DMD: variants seen among roughly 807,000 people sequenced by gnomAD.
The protein encoded by DMD is dystrophin.
DMD carries 63 observed loss-of-function variants against 330.1 expected under a neutral mutation model. The ratio of observed to expected loss-of-function variants is 0.19; its 90% CI spans 0.16 to 0.24. The LOEUF is 0.24. Ranked by LOEUF, DMD falls within the 10% of genes least tolerant of loss-of-function variation. The pLI is 1.00. For missense variants in DMD, 3,344 were observed against 2,684.1 expected (o/e 1.25, Z -5.43); for synonymous variants, 1,223 against 959.8 (o/e 1.27, Z -5.07).
At chrX:32,538,969 A>C (rs1010928266) in intron 17 of DMD, among the ~76,000 whole-genome samples, 1 of 110,911 alleles carries the variant, frequency 9.0e-6, no homozygotes, top group Non-Finnish European at 1.9e-5. Context: ...CCAGGTGATG[A>C]TACTGTTTCA....
chrX:32,356,121 C>G (rs949919918), intron 37 of DMD, among the ~76,000 whole-genome samples: 1 of 110,090 alleles, frequency 9.1e-6, no homozygotes, highest in Non-Finnish European at 1.9e-5. Flanking sequence ...ATTGGACCTT[C>G]TAGATCACAT....
intron 9 of DMD, among the ~76,000 whole-genome samples, chrX:32,670,412 A>C (rs1231812292): frequency 8.9e-6 from 1 of 111,982 alleles, no homozygotes; most frequent in African/African-American, 3.2e-5. Flanking sequence ...TAGAAATCAT[A>C]GGTTTAGGAA....
intron 51 of DMD, among the ~76,000 whole-genome samples, chrX:31,764,845 A>T (rs6631385): frequency 0.087 from 9,726 of 111,538 alleles, 401 homozygotes; most frequent in South Asian, 0.19. Context: ...TAGGAGATAT[A>T]TAATTCTTAA....
At chrX:33,179,558 G>A (rs918067855) in intron 1 of DMD, among the ~76,000 whole-genome samples, 7 of 108,744 alleles carry the variant, frequency 6.4e-5, no homozygotes, top group Non-Finnish European at 1.3e-4. Flanking sequence ...GCCGGGCGTG[G>A]TGGCGGGCGC....
chrX:31,836,162 A>C (rs774644243), intron 49 of DMD, among the ~76,000 whole-genome samples: 2 of 112,208 alleles, frequency 1.8e-5, no homozygotes, highest in East Asian at 5.6e-4. Context: ...AAAAAGTAGA[A>C]AGGTTTATCC....
At chrX:32,722,857 C>T (rs764449323) in intron 7 of DMD, among the ~76,000 whole-genome samples, 1 of 110,811 alleles carries the variant, frequency 9.0e-6, no homozygotes, top group Admixed American at 9.7e-5. Flanking sequence ...TCTACATATA[C>T]GATCATACCA....
At chrX:32,143,742 A>G (rs1406125298) in intron 44 of DMD, among the ~76,000 whole-genome samples, 8 of 106,362 alleles carry the variant, frequency 7.5e-5, no homozygotes, top group East Asian at 3.0e-4. Flanking sequence ...AGTAGAGACG[A>G]GGTTTCACCG....
intron 21 of DMD, among the ~76,000 whole-genome samples, chrX:32,481,313 C>T (rs751629899): frequency 9.0e-6 from 1 of 111,654 alleles, no homozygotes; most frequent in Non-Finnish European, 1.9e-5. Flanking sequence ...GTTCAATGGA[C>T]TCTCCTCTGT....
At chrX:31,426,701 A>G (rs997948560) in intron 60 of DMD, among the ~76,000 whole-genome samples, 2 of 111,826 alleles carry the variant, frequency 1.8e-5, no homozygotes, top group African/African-American at 6.5e-5. Context: ...CCTCTCAAGT[A>G]ATTACAGGGG....
chrX:32,649,575 AAAAAAAAAG>A (rs2060009884), intron 9 of DMD, among the ~76,000 whole-genome samples: 1 of 106,532 alleles, frequency 9.4e-6, no homozygotes, highest in African/African-American at 3.5e-5. Flanking sequence ...AAAAAAAAAA[AAAAAAAAAG>A]GTGAAAGAGC....
intron 50 of DMD, among the ~76,000 whole-genome samples, chrX:31,795,992 A>T (rs2091810724): frequency 8.9e-6 from 1 of 111,923 alleles, no homozygotes; most frequent in Non-Finnish European, 1.9e-5. Context: ...TTGATTTTTC[A>T]AGAGAGAGGA....
chrX:31,833,774 T>C (rs898989927), intron 49 of DMD, among the ~76,000 whole-genome samples: 6 of 111,071 alleles, frequency 5.4e-5, no homozygotes, highest in African/African-American at 1.6e-4. Flanking sequence ...GAGGTGCCAA[T>C]AGACAAGTCA....
At position 32,393,816 on chromosome X, in the gene DMD, T is replaced by A. The variant is rs763161988; in HGVS notation, c.4234-3635A>T. The stretch of plus-strand genomic sequence containing the variant: ...AGAGAAAATCTCACATCAATTGATG[T>A]GAGAATTTTAAGAATGAGAGAGAGA... On this transcript the variant is annotated intron_variant, in intron 30 of 78. Transcript: ENST00000357033. 5.4e-5 allele frequency among the ~76,000 whole-genome samples: 6 copies of A among 110,319 alleles called. No homozygotes were observed. The Admixed American group carries it at 5.8e-4, about 11-fold the overall frequency.
intron 29 of DMD, among the ~76,000 whole-genome samples, chrX:32,429,209 C>CTTTTTT (rs781555625): frequency 2.6e-5 from 2 of 75,952 alleles, no homozygotes; most frequent in African/African-American, 5.5e-5. Context: ...CTTTTCTTTC[C>CTTTTTT]TTTTTTTTTT....
chrX:32,496,021 C>A (rs2043458739), intron 19 of DMD, among the ~76,000 whole-genome samples: 1 of 111,684 alleles, frequency 9.0e-6, no homozygotes, highest in Admixed American at 9.5e-5. Context: ...ATATATTGCA[C>A]CCAGAGGAAA....
chrX:32,388,702 C>G (rs1022901775), intron 32 of DMD, among the ~76,000 whole-genome samples: 5 of 110,006 alleles, frequency 4.5e-5, no homozygotes, highest in Non-Finnish European at 7.6e-5. Context: ...ACTAAATAGA[C>G]TTGTTTTCCC....
intron 47 of DMD, among the ~76,000 whole-genome samples, chrX:31,876,873 A>T (rs1569493076): frequency 3.6e-5 from 4 of 111,365 alleles, no homozygotes; most frequent in African/African-American, 9.8e-5. Flanking sequence ...GTAATACAAA[A>T]TATTACACTG....
At chrX:32,444,795 G>A (rs976199193) in intron 27 of DMD, among the ~76,000 whole-genome samples, 1 of 110,787 alleles carries the variant, frequency 9.0e-6, no homozygotes, top group African/African-American at 3.3e-5. Flanking sequence ...ACCCTTTTAT[G>A]GGGATAGGTA....
chrX:31,743,190 A>G (rs1006389422), intron 51 of DMD, among the ~76,000 whole-genome samples: 2 of 112,282 alleles, frequency 1.8e-5, no homozygotes, highest in Non-Finnish European at 3.8e-5. Context: ...AAAAAGTCAA[A>G]AAAATGACAG....
Sources: gnomAD v4.1 joint callset for allele counts (sites outside exome capture counted in the v4.1 genomes callset) on GRCh38, gnomAD v4.1.1 for gene constraint, MANE v1.5 for transcripts, NCBI Gene and HGNC (gene_info 2026-07-23, HGNC 2026-07-21) for gene names.